PCOLCE2: variants seen among roughly 807,000 people sequenced by gnomAD.
The protein encoded by PCOLCE2 is procollagen C-proteinase enhancer 2.
A neutral mutation model predicts 47.0 loss-of-function variants in PCOLCE2; 42 were observed. That is an observed-to-expected ratio of 0.89 (90% CI 0.70 to 1.16). The LOEUF (loss-of-function observed/expected upper bound fraction) is 1.16. PCOLCE2 is among the 50% of genes most tolerant of loss of function. PCOLCE2 has a pLI of 0.00. For synonymous variants in PCOLCE2, 169 were observed against 191.7 expected (o/e 0.88, Z 0.98); for missense variants, 500 against 526.1 (o/e 0.95, Z 0.49).
chr3:142,823,976 G>A (rs1017742605), intron 6 of PCOLCE2, among the ~76,000 whole-genome samples: 2 of 152,202 alleles, frequency 1.3e-5, no homozygotes, highest in African/African-American at 4.8e-5. Context: ...CTCACAGAAT[G>A]TAGGTTAATC....
At position 142,820,872 on chromosome 3, in the gene PCOLCE2, A is replaced by G. The variant is rs772013307; in HGVS notation, c.1117+6T>C. The G allele has an allele frequency of 3.1e-6, 5 of 1,604,440 alleles. No individual in the cohort carries two copies. In the South Asian group the frequency reaches 3.3e-5, roughly 11 times the overall value. ...CTCAGAGACACCCAGTTTTCTCCCT[A>G]CTCACCTCTTCTGAGGAGAGGGCAC... is the stretch of plus-strand genomic sequence containing the variant. On this transcript the variant is annotated splice_donor_region_variant and intron_variant, in intron 8 of 8. Transcript: ENST00000295992.
At chr3:142,887,861 T>C in intron 1 of PCOLCE2, 84 bp from the exon 2 acceptor site, 1 of 733,916 alleles carries the variant, frequency 1.4e-6, no homozygotes, top group Non-Finnish European at 2.3e-6. Context: ...GTGTAGCCTA[T>C]TAATATAAAT....
intron 2 of PCOLCE2, among the ~76,000 whole-genome samples, chr3:142,857,373 G>T (rs1213415630): frequency 2.0e-5 from 3 of 152,172 alleles, no homozygotes; most frequent in Non-Finnish European, 4.4e-5. Context: ...GTTATCACTG[G>T]TTGTCTTTCA....
chr3:142,885,712 T>C (rs770276977), intron 2 of PCOLCE2, among the ~76,000 whole-genome samples: 2 of 152,226 alleles, frequency 1.3e-5, no homozygotes, highest in Non-Finnish European at 2.9e-5. Context: ...AGCTTCCTAA[T>C]TGGTCTCTCT....
At chr3:142,876,681 A>G (rs1396770309) in intron 2 of PCOLCE2, among the ~76,000 whole-genome samples, 2 of 152,158 alleles carry the variant, frequency 1.3e-5, no homozygotes, top group African/African-American at 4.8e-5. Context: ...ACCTCAGCTG[A>G]GAAGACTGGA....
chr3:142,885,132 C>A (rs1050851975), intron 2 of PCOLCE2, among the ~76,000 whole-genome samples: 1 of 152,202 alleles, frequency 6.6e-6, no homozygotes, highest in South Asian at 2.1e-4. Flanking sequence ...GTGGTAACAA[C>A]TAGGATTCAC....
chr3:142,845,412 A>C (rs1185650914), intron 3 of PCOLCE2, among the ~76,000 whole-genome samples: 1 of 152,368 alleles, frequency 6.6e-6, no homozygotes, highest in African/African-American at 2.4e-5. Context: ...TTGAACAGAT[A>C]CATGTAAAGA....
At chr3:142,870,296 G>A (rs1011138102) in intron 2 of PCOLCE2, among the ~76,000 whole-genome samples, 1 of 152,146 alleles carries the variant, frequency 6.6e-6, no homozygotes, top group Non-Finnish European at 1.5e-5. Flanking sequence ...TTAGGTTGAC[G>A]GATAGATCAC....
Position 142,820,901 on chromosome 3 carries a change from T to C in PCOLCE2, c.1094A>G (p.Lys365Arg), listed in dbSNP as rs768536341. 1 of 1,613,880 alleles carries C rather than the reference T, an allele frequency of 6.2e-7. No individual in the cohort carries two copies. Among genetic ancestry groups the C allele is most frequent in the Non-Finnish European group, 8.5e-7 (1 of 1,179,770 alleles). ...ACCTCTTCTGAGGAGAGGGCACTGC[T>C]TGCAGACGACAGTCAGCCTGGCACT... ...NMSARLTVVC[K>R]QCPLLRRGLN... The change falls in exon 8 of 9, where the codon AAG (lysine) becomes AGG (arginine). Residue 365 changes from lysine (K) to arginine (R), a missense_variant. Physicochemically the swap from Lys to Arg is conservative, Grantham distance 26. Coordinates refer to ENST00000295992, the MANE Select transcript of PCOLCE2 (RefSeq NM_013363.4).
intron 2 of PCOLCE2, among the ~76,000 whole-genome samples, chr3:142,870,667 G>C (rs927038798): frequency 6.6e-6 from 1 of 151,496 alleles, no homozygotes; most frequent in Non-Finnish European, 1.5e-5. Flanking sequence ...ATTTGAAACA[G>C]AGTAAGTGTC....
At chr3:142,866,790 CA>C (rs1933289500) in intron 2 of PCOLCE2, among the ~76,000 whole-genome samples, 1 of 152,140 alleles carries the variant, frequency 6.6e-6, no homozygotes. Context: ...AATAAAAAAG[CA>C]GCCCCCAAAA....
At chr3:142,826,651 C>T (rs1937082318) in intron 6 of PCOLCE2, among the ~76,000 whole-genome samples, 1 of 152,186 alleles carries the variant, frequency 6.6e-6, no homozygotes, top group South Asian at 2.1e-4. Flanking sequence ...TCTCAATTTG[C>T]CATGCTCCAC....
At chr3:142,821,222 G>A (rs1175011492) in intron 7 of PCOLCE2, among the ~76,000 whole-genome samples, 177 bp from the exon 8 acceptor site, 3 of 152,198 alleles carry the variant, frequency 2.0e-5, no homozygotes, top group Non-Finnish European at 4.4e-5. Context: ...TCAGGTTGGA[G>A]CTGTGATGTT....
At position 142,867,508 on chromosome 3, in the gene PCOLCE2, C is replaced by T. The variant is rs114886691; in HGVS notation, c.193-19036G>A. 8.3e-3 allele frequency among the ~76,000 whole-genome samples: 1,259 copies of T among 152,134 alleles called. 24 individuals are homozygous for T. The highest frequency in any genetic ancestry group is 0.029 in the African/African-American group (1,187 of 41,510). On this transcript the variant is annotated intron_variant, in intron 2 of 8. Coordinates refer to ENST00000295992, the MANE Select transcript of PCOLCE2 (RefSeq NM_013363.4). ...TACATGTACCTGACAACCTTGTATT[C>T]GGAATAAAGAATTACAACTTCATGA... is the stretch of plus-strand genomic sequence containing the variant.
At chr3:142,888,038 T>G (rs1933747926) in intron 1 of PCOLCE2, among the ~76,000 whole-genome samples, 1 of 152,190 alleles carries the variant, frequency 6.6e-6, no homozygotes, top group Non-Finnish European at 1.5e-5. Context: ...TCCTCGGCAT[T>G]GTGGCAAAGT....
intron 6 of PCOLCE2, among the ~76,000 whole-genome samples, chr3:142,826,790 A>G (rs1002404937): frequency 6.6e-6 from 1 of 152,080 alleles, no homozygotes; most frequent in East Asian, 1.9e-4. Context: ...CCCTTATTGG[A>G]AGTCTCATCA....
At chr3:142,887,156 AC>A in intron 2 of PCOLCE2, 1 of 151,426 alleles carries the variant, frequency 6.6e-6, no homozygotes, top group Non-Finnish European at 1.5e-5. Context: ...TTAGATTCCC[AC>A]CCCCCCATTC....
At chr3:142,880,047 C>G (rs1933581381) in intron 2 of PCOLCE2, among the ~76,000 whole-genome samples, 1 of 148,572 alleles carries the variant, frequency 6.7e-6, no homozygotes, top group South Asian at 2.1e-4. Flanking sequence ...ACAACCCCAC[C>G]CCCCCAAAAA....
chr3:142,875,904 T>C (rs1933486453), intron 2 of PCOLCE2, among the ~76,000 whole-genome samples: 1 of 152,214 alleles, frequency 6.6e-6, no homozygotes, highest in South Asian at 2.1e-4. Context: ...CCACAGGAAC[T>C]AACCTTAATC....
Sources: allele counts gnomAD v4.1 joint callset (sites outside exome capture counted in the v4.1 genomes callset), GRCh38; gene constraint gnomAD v4.1.1; transcripts MANE v1.5; gene names NCBI Gene and HGNC (gene_info 2026-07-23, HGNC 2026-07-21).